TBX20: variants seen among roughly 807,000 people sequenced by gnomAD.
The protein encoded by TBX20 is T-box transcription factor 20, also known as T-box transcription factor TBX20.
TBX20 carries 8 observed loss-of-function variants against 42.9 expected under a neutral mutation model. The observed-to-expected ratio is 0.19, with a 90% confidence interval of 0.11 to 0.34. The LOEUF is 0.34. Among genes scored for constraint, TBX20 ranks in the 10% least tolerant of loss-of-function variants. The probability of loss-of-function intolerance (pLI) is 1.00; values close to 1 mark genes in which losing one functional copy is unlikely to be tolerated. For synonymous variants in TBX20, 198 were observed against 222.8 expected (o/e 0.89, Z 0.99); for missense variants, 411 against 566.0 (o/e 0.73, Z 2.78).
In TBX20 at chr7:35,249,928, C is replaced by T. The variant is rs1482386947; in HGVS notation, c.380+23G>A. ...GTGTCCTGACTCTCCACCCCCAACC[C>T]CCAACCCCCAAGTCCCAACTACCTG... On this transcript the variant is annotated intron_variant, in intron 2 of 7. Coordinates refer to ENST00000408931, the MANE Select transcript of TBX20 (RefSeq NM_001077653.2). This position sits in a 1 kb window ranked among gnomAD's most constrained non-coding sequence, Gnocchi z 4.3. 1.6e-5 allele frequency: 25 copies of T among 1,588,844 alleles called. No homozygotes were observed. The highest frequency in any genetic ancestry group is 2.0e-5 in the Non-Finnish European group (23 of 1,165,972).
chr7:35,237,130 C>G (rs557337273), intron 5 of TBX20, among the ~76,000 whole-genome samples: 3 of 152,290 alleles, frequency 2.0e-5, no homozygotes, highest in Admixed American at 2.0e-4. Flanking sequence ...GGTTCTGTCA[C>G]TTACCAGATT....
intron 4 of TBX20, among the ~76,000 whole-genome samples, chr7:35,242,504 GA>G (rs768186523): frequency 3.3e-5 from 5 of 151,298 alleles, no homozygotes; most frequent in Non-Finnish European, 5.9e-5. Flanking sequence ...ACTAATATAA[GA>G]AAAAAAAATT....
At chr7:35,251,378 G>T (rs1470628266) in intron 1 of TBX20, among the ~76,000 whole-genome samples, 1 of 152,118 alleles carries the variant, frequency 6.6e-6, no homozygotes, top group Admixed American at 6.5e-5. Flanking sequence ...AAACAGAGTG[G>T]TTTTACTTTT....
intron 6 of TBX20, among the ~76,000 whole-genome samples, chr7:35,227,411 A>G (rs1482945665): frequency 6.6e-6 from 1 of 152,162 alleles, no homozygotes; most frequent in Non-Finnish European, 1.5e-5. Flanking sequence ...AGCTCCATTC[A>G]CGGTGAGTGC....
At chr7:35,227,081 T>TAA (rs772395821) in intron 6 of TBX20, among the ~76,000 whole-genome samples, 3 of 89,922 alleles carry the variant, frequency 3.3e-5, no homozygotes, top group Non-Finnish European at 4.9e-5. Flanking sequence ...GTTTAAAAAG[T>TAA]AAAAAAAAAA....
intron 4 of TBX20, among the ~76,000 whole-genome samples, chr7:35,242,335 T>C (rs1320900311): frequency 6.6e-6 from 1 of 152,170 alleles, no homozygotes; most frequent in Non-Finnish European, 1.5e-5. Context: ...CAGGAATAAC[T>C]GAAACAAAGG....
intron 6 of TBX20, among the ~76,000 whole-genome samples, chr7:35,221,295 C>CA (rs1233218764): frequency 0.015 from 1,124 of 77,070 alleles, 44 homozygotes; most frequent in African/African-American, 0.029. Context: ...TTCGGTCTGG[C>CA]AAAAAAAAAA....
At chr7:35,209,067 C>A (rs1490481002) in intron 6 of TBX20, among the ~76,000 whole-genome samples, 2 of 151,942 alleles carry the variant, frequency 1.3e-5, no homozygotes, top group Non-Finnish European at 2.9e-5. Flanking sequence ...CTGAACTAGG[C>A]CCTAGTTATT....
chr7:35,248,533 C>A lies in TBX20; in HGVS notation c.545+144G>T, dbSNP rs1395305266. The A allele has an allele frequency of 4.7e-6, 4 of 845,016 alleles. No homozygotes were observed. In the South Asian group the frequency reaches 5.6e-5, roughly 12 times the overall value. The allele number at this position is 845,016 out of a possible 1,614,324, so 52.3% of individuals were successfully genotyped here. ...GAGCCTAGCCCATGTTTTGTGTAGT[C>A]AATCCTGGAGTGTCCAGGCTTGGAA... On this transcript the variant is annotated intron_variant, in intron 3 of 7. Transcript: ENST00000408931.
Position 35,224,668 on chromosome 7 carries a change from GT to G in TBX20, c.890+6835del, listed in dbSNP as rs1244701565. Among the ~76,000 whole-genome samples, 15 of 4,560 alleles carry G rather than the reference GT, an allele frequency of 3.3e-3. 1 individual carries two copies. The Admixed American group carries it at 0.046, about 14-fold the overall frequency. 3.0% of individuals were successfully genotyped at this position (4,560 alleles called of 152,430 possible). ...GACTGGGCCATAAGAGCGAAACTCTGTTTCCAAAAAAAAAAAATTCCAGGCA... is the reference window on the plus strand; with the variant it reads ...GACTGGGCCATAAGAGCGAAACTCTGTTCCAAAAAAAAAAAATTCCAGGCA... On this transcript the variant is annotated intron_variant, in intron 6 of 7. Transcript: ENST00000408931.
intron 6 of TBX20, among the ~76,000 whole-genome samples, chr7:35,213,861 G>C (rs1201895791): frequency 1.8e-5 from 2 of 110,258 alleles, no homozygotes; most frequent in Non-Finnish European, 3.5e-5. Context: ...CTATGAACAA[G>C]GAATTGCAGA....
At position 35,231,515 on chromosome 7, in the gene TBX20, A is replaced by G; in HGVS notation, c.879T>C (p.Thr293=). The change falls in exon 6 of 8, where the codon ACT becomes ACC. Residue 293 remains threonine (T), a synonymous_variant. Coordinates refer to ENST00000408931, the MANE Select transcript of TBX20 (RefSeq NM_001077653.2). ...AAAATTCTCATTACCTCTCAATGTC[A>G]GTGAGCCTGGAGGAATCCCGGAATC... is the stretch of plus-strand genomic sequence containing the variant. ...AKGFRDSSRL[T]DIERESVESL... 1.2e-6 allele frequency: 2 copies of G among 1,613,024 alleles called. No homozygotes were observed. The highest frequency in any genetic ancestry group is 1.7e-6 in the Non-Finnish European group (2 of 1,179,028).
intron 6 of TBX20, among the ~76,000 whole-genome samples, chr7:35,225,297 G>A (rs1168075708): frequency 6.6e-6 from 1 of 151,664 alleles, no homozygotes. Context: ...TTTTAGATAC[G>A]CCCAGTTGCC....
At chr7:35,220,212 A>G (rs1232381590) in intron 6 of TBX20, among the ~76,000 whole-genome samples, 2 of 152,222 alleles carry the variant, frequency 1.3e-5, no homozygotes, top group Non-Finnish European at 2.9e-5. Context: ...GAACTTCATC[A>G]AAACCCCAAC....
rs554280396 is a variant in TBX20 at position 35,218,841 on chromosome 7, G to A, written c.890+12663C>T. Among the ~76,000 whole-genome samples the A allele has an allele frequency of 3.3e-5, 5 of 152,270 alleles. No homozygotes were observed. In the South Asian group the frequency reaches 1.0e-3, roughly 32 times the overall value. On this transcript the variant is annotated intron_variant, in intron 6 of 7. Transcript: ENST00000408931. ...GGACTTTGGGAGATGACTAGGATGA[G>A]AGGGTGGAGCCCTCATGAATGAGAC...
chr7:35,222,824 G>C (rs2532166), intron 6 of TBX20, among the ~76,000 whole-genome samples: 1 of 151,624 alleles, frequency 6.6e-6, no homozygotes, highest in Non-Finnish European at 1.5e-5. Flanking sequence ...TTGAGGCCTT[G>C]TCTGGACTTT....
intron 6 of TBX20, among the ~76,000 whole-genome samples, chr7:35,228,315 T>A (rs1398724606): frequency 6.6e-6 from 1 of 152,086 alleles, no homozygotes; most frequent in East Asian, 1.9e-4. Context: ...CAGACATATA[T>A]CTATTTATAT....
At chr7:35,237,301 A>C (rs1219072681) in intron 5 of TBX20, among the ~76,000 whole-genome samples, 1 of 151,502 alleles carries the variant, frequency 6.6e-6, no homozygotes. Context: ...ATAAATCCAA[A>C]CCATGAATTT....
chr7:35,229,359 T>C (rs1789829737), intron 6 of TBX20, among the ~76,000 whole-genome samples: 1 of 152,204 alleles, frequency 6.6e-6, no homozygotes, highest in Non-Finnish European at 1.5e-5. Flanking sequence ...TTAATTTCTT[T>C]AGGTCTCTAA....
Sources: gnomAD v4.1 joint callset for allele counts (sites outside exome capture counted in the v4.1 genomes callset) on GRCh38, gnomAD v4.1.1 for gene constraint, Gnocchi (gnomAD v3.1) non-coding constraint, MANE v1.5 for transcripts, NCBI Gene and HGNC (gene_info 2026-07-23, HGNC 2026-07-21) for gene names.